DENND1A: variants seen among roughly 807,000 people sequenced by gnomAD.
DENND1A encodes DENN domain-containing protein 1A.
A neutral mutation model predicts 113.7 loss-of-function variants in DENND1A; 51 were observed. That is an observed-to-expected ratio of 0.45 (90% CI 0.36 to 0.57). DENND1A has a LOEUF of 0.57. DENND1A is among the 20% of genes least tolerant of loss of function. The pLI, the probability that DENND1A is intolerant of heterozygous loss-of-function variation, is 0.00. For synonymous variants in DENND1A, 565 were observed against 570.8 expected, an observed-to-expected ratio of 0.99 and a Z score of 0.14; for missense variants, 1,258 against 1,395.9, an observed-to-expected ratio of 0.90 and a Z score of 1.57.
intron 1 of DENND1A, among the ~76,000 whole-genome samples, chr9:123,903,046 A>G (rs1724941413): frequency 6.6e-6 from 1 of 152,084 alleles, no homozygotes; most frequent in South Asian, 2.1e-4. Flanking sequence ...ATAAAACTGG[A>G]AAAAGGCCGG....
In DENND1A at chr9:123,421,354, G is replaced by A. The variant is rs1016921246; in HGVS notation, c.1489-9525C>T. The stretch of plus-strand genomic sequence containing the variant: ...TGACAGCTAACGGGTGGCAGAGCCA[G>A]GATCCAAGCCCAAGTACGCCTGACT... On this transcript the variant is annotated intron_variant, in intron 19 of 23. Coordinates refer to ENST00000394215, the MANE Select transcript of DENND1A (RefSeq NM_001352964.2). Among the ~76,000 whole-genome samples, 47 of 152,104 alleles carry A rather than the reference G, an allele frequency of 3.1e-4. 1 individual carries two copies. The highest frequency in any genetic ancestry group is 9.4e-4 in the African/African-American group (39 of 41,474).
Position 123,788,331 on chromosome 9 carries a change from T to C in DENND1A, c.132+4256A>G, listed in dbSNP as rs571478784. Among the ~76,000 whole-genome samples the C allele has an allele frequency of 1.5e-3, 224 of 152,252 alleles. 2 individuals are homozygous for C. The highest frequency in any genetic ancestry group is 2.7e-3 in the Non-Finnish European group (184 of 67,978). On this transcript the variant is annotated intron_variant, in intron 3 of 23. Transcript: ENST00000394215. ...ACCATCCCATACTAAATATTGTAAT[T>C]AATAAAGGCTCATGTTTTTTAATCT...
At chr9:123,825,774 C>T (rs949117574) in intron 2 of DENND1A, among the ~76,000 whole-genome samples, 2 of 152,192 alleles carry the variant, frequency 1.3e-5, no homozygotes, top group South Asian at 2.1e-4. Context: ...ATTTTGTATC[C>T]GATTTTTCAC....
intron 13 of DENND1A, among the ~76,000 whole-genome samples, chr9:123,520,829 G>A (rs2054334181): frequency 2.0e-5 from 3 of 152,206 alleles, no homozygotes; most frequent in Admixed American, 1.3e-4. Context: ...CTGGCACGCA[G>A]TAGGCATTTA....
intron 16 of DENND1A, among the ~76,000 whole-genome samples, chr9:123,453,768 A>T (rs2047908454): frequency 6.6e-6 from 1 of 152,174 alleles, no homozygotes; most frequent in South Asian, 2.1e-4. Flanking sequence ...AAAACATTAC[A>T]ATTTGACCTA....
chr9:123,778,782 G>A (rs942312436), intron 3 of DENND1A, among the ~76,000 whole-genome samples: 1 of 152,024 alleles, frequency 6.6e-6, no homozygotes, highest in Admixed American at 6.6e-5. Flanking sequence ...TAAGGAGCCT[G>A]GCCACACCGC....
intron 1 of DENND1A, among the ~76,000 whole-genome samples, chr9:123,911,341 A>T (rs1278769008): frequency 6.6e-6 from 1 of 152,248 alleles, no homozygotes; most frequent in Non-Finnish European, 1.5e-5. Flanking sequence ...GAATTGGCAC[A>T]CAATTTGGAA....
chr9:123,592,359 T>C (rs998358748), intron 11 of DENND1A, among the ~76,000 whole-genome samples: 2 of 152,200 alleles, frequency 1.3e-5, no homozygotes, highest in African/African-American at 2.4e-5. Context: ...TAAAAGTGCA[T>C]TCTCTGGAGC....
rs561445055 is a variant in DENND1A at position 123,544,825 on chromosome 9, G to A, written c.993+12745C>T. On this transcript the variant is annotated intron_variant, in intron 13 of 23. Transcript: ENST00000394215. ...TATAAATAAGAACTATGTGCCAGGCGTGGTGGCTCACGCCTGTAATCCCAG... is the reference window on the plus strand; with the variant it reads ...TATAAATAAGAACTATGTGCCAGGCATGGTGGCTCACGCCTGTAATCCCAG... 5.9e-5 allele frequency among the ~76,000 whole-genome samples: 9 copies of A among 152,292 alleles called. No homozygotes were observed. The South Asian group carries it at 1.2e-3, about 21-fold the overall frequency.
intron 15 of DENND1A, among the ~76,000 whole-genome samples, chr9:123,456,355 C>T (rs17211963): frequency 0.057 from 8,204 of 145,068 alleles, 234 homozygotes; most frequent in East Asian, 0.073. Flanking sequence ...AAGACTGAGG[C>T]GATGGGATTT....
At chr9:123,909,154 C>T (rs1170760633) in intron 1 of DENND1A, among the ~76,000 whole-genome samples, 1 of 151,370 alleles carries the variant, frequency 6.6e-6, no homozygotes, top group Non-Finnish European at 1.5e-5. Flanking sequence ...ACAATGAGAT[C>T]ACATGGACAC....
intron 2 of DENND1A, among the ~76,000 whole-genome samples, chr9:123,815,572 T>G (rs957970136): frequency 6.6e-6 from 1 of 152,174 alleles, no homozygotes; most frequent in South Asian, 2.1e-4. Context: ...CAGTATAACA[T>G]TTGCAAAGAA....
chr9:123,388,079 A>T (rs2042660732), intron 21 of DENND1A, among the ~76,000 whole-genome samples: 1 of 152,188 alleles, frequency 6.6e-6, no homozygotes, highest in South Asian at 2.1e-4. Context: ...ATCACATAGG[A>T]CCTAGTAATT....
chr9:123,821,688 A>G (rs965780515), intron 2 of DENND1A, among the ~76,000 whole-genome samples: 1 of 152,228 alleles, frequency 6.6e-6, no homozygotes, highest in Admixed American at 6.5e-5. Context: ...CAAACAGACC[A>G]CTTAACAGCA....
At chr9:123,791,423 G>A (rs2132034744) in intron 3 of DENND1A, among the ~76,000 whole-genome samples, 2 of 152,204 alleles carry the variant, frequency 1.3e-5, no homozygotes, top group East Asian at 3.9e-4. Context: ...AAGAGACAGA[G>A]TCAGAAGATT....
At chr9:123,852,641 T>C (rs941448936) in intron 2 of DENND1A, among the ~76,000 whole-genome samples, 8 of 152,170 alleles carry the variant, frequency 5.3e-5, no homozygotes, top group Non-Finnish European at 1.0e-4. Context: ...ACACTCCCAG[T>C]GCACTTATGC....
At chr9:123,558,840 T>C (rs1226132984) in intron 12 of DENND1A, among the ~76,000 whole-genome samples, 1 of 152,194 alleles carries the variant, frequency 6.6e-6, no homozygotes, top group Non-Finnish European at 1.5e-5. Flanking sequence ...GAGTTATCCA[T>C]TCACTCAGCA....
Position 123,878,933 on chromosome 9 carries a change from A to C in DENND1A, c.88+18T>G, listed in dbSNP as rs1432850200. ...ACAATAAGTAACACACCATATCATA[A>C]TCAAACATGCAAAGTACCTGAAAGA... On this transcript the variant is annotated intron_variant, in intron 2 of 23. Transcript: ENST00000394215. The C allele has an allele frequency of 6.2e-7, 1 of 1,613,284 alleles. No individual in the cohort carries two copies. Among genetic ancestry groups the C allele is most frequent in the Non-Finnish European group, 8.5e-7 (1 of 1,179,498 alleles).
chr9:123,419,846 G>A (rs1429160023), intron 19 of DENND1A, among the ~76,000 whole-genome samples: 4 of 152,226 alleles, frequency 2.6e-5, no homozygotes, highest in Non-Finnish European at 4.4e-5. Flanking sequence ...GATCCTCTCT[G>A]TCCGCCCTGG....
Sources: gnomAD v4.1 joint callset for allele counts (sites outside exome capture counted in the v4.1 genomes callset) on GRCh38, gnomAD v4.1.1 for gene constraint, MANE v1.5 for transcripts, NCBI Gene and HGNC (gene_info 2026-07-23, HGNC 2026-07-21) for gene names.